FBXL6: variants seen among roughly 807,000 people sequenced by gnomAD.
FBXL6 encodes the protein F-box and leucine rich repeat protein 6.
In FBXL6, 50 loss-of-function variants were observed where a neutral mutation model predicts 53.3. The ratio of observed to expected loss-of-function variants is 0.94; its 90% CI spans 0.75 to 1.19. The LOEUF (loss-of-function observed/expected upper bound fraction) is 1.19, where lower values mean the gene tolerates loss of function less well. FBXL6 is among the 50% of genes most tolerant of loss of function. The pLI is 0.00. For missense variants in FBXL6, 815 were observed against 719.0 expected, an observed-to-expected ratio of 1.13 and a Z score of -1.53; for synonymous variants, 405 against 322.9, an observed-to-expected ratio of 1.25 and a Z score of -2.73.
chr8:144,358,280 C>T lies in FBXL6; in HGVS notation c.168G>A (p.Arg56=). 2 of 1,230,754 alleles carry T rather than the reference C, an allele frequency of 1.6e-6. No homozygotes were observed. Among genetic ancestry groups the T allele is most frequent in the Non-Finnish European group, 2.0e-6 (2 of 986,700 alleles). 76.2% of individuals were successfully genotyped at this position (1,230,754 alleles called of 1,614,324 possible). A position where few individuals can be genotyped will look rare whatever the true frequency, so the allele number is the denominator to read the frequency against. The change falls in exon 1 of 9, where the codon CGG becomes CGA. Residue 56 remains arginine (R), a synonymous_variant. Coordinates refer to ENST00000331890, the MANE Select transcript of FBXL6 (RefSeq NM_012162.4). ...LLVLSEPGPA[R]PRAQRRASRR... ...GGGAAGCGCGCCGCTGTGCGCGGGG[C>T]CGGGCGGGGCCGGGTTCGGACAGCA... is the stretch of plus-strand genomic sequence containing the variant.
rs782076645 is a variant in FBXL6, at chr8:144,357,067, C to T, written c.694G>A (p.Gly232Ser). 8 of 1,612,804 alleles carry T rather than the reference C, an allele frequency of 5.0e-6. No individual in the cohort carries two copies. The African/African-American group carries it at 5.3e-5, about 11-fold the overall frequency. ...LTFLKLSGCH[G>S]VTADALVMLA... is the part of the protein sequence containing the mutation. ...ATGACCAGAGCGTCAGCAGTCACAC[C>T]GTGGCAGCCGGAGAGCTTGAGGAAA... Residue 232 changes from glycine to serine, a missense_variant, in exon 4 of 9, where the codon GGT becomes AGT. Transcript: ENST00000331890.
Position 144,357,642 on chromosome 8 carries a change from C to A in FBXL6, c.561G>T (p.Trp187Cys). The A allele has an allele frequency of 3.1e-6, 5 of 1,609,704 alleles. No homozygotes were observed. The highest frequency in any genetic ancestry group is 3.4e-6 in the Non-Finnish European group (4 of 1,177,854). Residue 187 changes from tryptophan (W) to cysteine (C), a missense_variant, in exon 2 of 9, where the codon TGG becomes TGT. Transcript: ENST00000331890. Reference sequence around the variant, plus strand: ...GAACCCCTCACCGATTGGGCATAAGCCACTCCAGGGAAGCAAGGAGCTTCT... The same window carrying A: ...GAACCCCTCACCGATTGGGCATAAGACACTCCAGGGAAGCAAGGAGCTTCT... The part of the protein sequence containing the change: ...AEKKLLASLE[W>C]LMPNRFSQLQ...
intron 8 of FBXL6, 116 bp downstream of exon 8, chr8:144,355,852 A>G (rs1266694663): frequency 1.3e-6 from 2 of 1,541,656 alleles, no homozygotes; most frequent in Non-Finnish European, 1.8e-6. Flanking sequence ...CTTGGACAGT[A>G]TGCATGCCCC....
At position 144,356,710 on chromosome 8, in the gene FBXL6, T is replaced by C. The variant is rs781999908; in HGVS notation, c.883A>G (p.Ser295Gly). ...TTAILGALLG[S>G]CCPQLQVLEV... ...AGGACCTGGAGCTGGGGGCAGCAGC[T>C]GCCCTGCAGAGATGGGGGGAGGGGG... The change falls in exon 6 of 9, where the codon AGC becomes GGC. Residue 295 changes from serine to glycine, a missense_variant. Coordinates refer to ENST00000331890, the MANE Select transcript of FBXL6 (RefSeq NM_012162.4). The C allele has an allele frequency of 5.0e-6, 8 of 1,611,778 alleles. No homozygotes were observed. In the East Asian group the frequency reaches 1.3e-4, roughly 27 times the overall value.
Position 144,357,685 on chromosome 8 carries a change from C to T in FBXL6, c.518G>A (p.Gly173Asp). 3.7e-6 allele frequency: 6 copies of T among 1,610,976 alleles called. No individual in the cohort carries two copies. The highest frequency in any genetic ancestry group is 5.1e-6 in the Non-Finnish European group (6 of 1,178,890). ...SSPLVGRPAK[G>D]GVKAEKKLLA... Reference sequence around the variant, plus strand: ...GAGCTTCTTCTCCGCCTTGACCCCGCCCTTGGCAGGCCGGCCGACCAGCGG... The same window carrying T: ...GAGCTTCTTCTCCGCCTTGACCCCGTCCTTGGCAGGCCGGCCGACCAGCGG... The change falls in exon 2 of 9, where the codon GGC becomes GAC. Residue 173 changes from glycine to aspartate, a missense_variant. Coordinates refer to ENST00000331890, the MANE Select transcript of FBXL6 (RefSeq NM_012162.4).
Position 144,356,925 on chromosome 8 carries a change from C to T in FBXL6, c.772-10G>A, listed in dbSNP as rs375647211. On this transcript the variant is annotated splice_polypyrimidine_tract_variant and intron_variant, in intron 4 of 8. Transcript: ENST00000331890. ...CAGCTGTGGACTCCACCTGGGGCCCCAATACAAGAGCACCCGTCACCCCGG... is the reference window on the plus strand; with the variant it reads ...CAGCTGTGGACTCCACCTGGGGCCCTAATACAAGAGCACCCGTCACCCCGG... 6.2e-7 allele frequency: 1 copy of T among 1,613,122 alleles called. No individual in the cohort carries two copies. Among genetic ancestry groups the T allele is most frequent in the Non-Finnish European group, 8.5e-7 (1 of 1,180,012 alleles).
In FBXL6 at chr8:144,355,926, A is replaced by T. The variant is rs1554852640; in HGVS notation, c.1472+42T>A. The T allele has an allele frequency of 8.1e-6, 13 of 1,605,362 alleles. No individual in the cohort carries two copies. The East Asian group carries it at 1.3e-4, about 17-fold the overall frequency. ...TTCCAGGCCCCAGGCAGACACAGTG[A>T]CAGCCACACTGGCTCCAGGGACTGG... On this transcript the variant is annotated intron_variant, in intron 8 of 8. Coordinates refer to ENST00000331890, the MANE Select transcript of FBXL6 (RefSeq NM_012162.4).
intron 8 of FBXL6, 137 bp downstream of exon 8, chr8:144,355,831 C>G: frequency 6.6e-7 from 1 of 1,524,772 alleles, no homozygotes; most frequent in Non-Finnish European, 8.9e-7. Context: ...CAGGCCCACC[C>G]CACGCAGGGG....
At position 144,356,731 on chromosome 8, in the gene FBXL6, G is replaced by A. The variant is rs537010969; in HGVS notation, c.880-18C>T. The A allele has an allele frequency of 1.9e-6, 3 of 1,610,930 alleles. No homozygotes were observed. The highest frequency in any genetic ancestry group is 2.5e-6 in the Non-Finnish European group (3 of 1,178,802). ...CAGCTGCCCTGCAGAGATGGGGGGA[G>A]GGGGTAGGTCACAGGGTCAGTGGCC... On this transcript the variant is annotated intron_variant, in intron 5 of 8. Coordinates refer to ENST00000331890, the MANE Select transcript of FBXL6 (RefSeq NM_012162.4).
Position 144,357,670 on chromosome 8 carries a change from T to G in FBXL6, c.533A>C (p.Glu178Ala). ...CTCCAGGGAAGCAAGGAGCTTCTTC[T>G]CCGCCTTGACCCCGCCCTTGGCAGG... is the stretch of plus-strand genomic sequence containing the variant. ...GRPAKGGVKA[E>A]KKLLASLEWL... is the part of the protein sequence containing the mutation. The change falls in exon 2 of 9, where the codon GAG becomes GCG. Residue 178 changes from glutamate (E) to alanine (A), a missense_variant. Glu to Ala is a moderately radical substitution (Grantham distance 107). Transcript: ENST00000331890. 6.2e-7 allele frequency: 1 copy of G among 1,610,876 alleles called. No homozygotes were observed. Among genetic ancestry groups the G allele is most frequent in the Non-Finnish European group, 8.5e-7 (1 of 1,178,738 alleles).
At chr8:144,357,205 C>T (rs1818494626) in intron 3 of FBXL6, 84 bp from the exon 4 acceptor site, 11 of 1,555,998 alleles carry the variant, frequency 7.1e-6, no homozygotes, top group Admixed American at 1.8e-5. Flanking sequence ...CTGGTGCCAA[C>T]CCCACTCTAC....
rs559702374 is a variant in FBXL6, at chr8:144,357,665, T to G, written c.538A>C (p.Lys180Gln). 80 of 1,610,794 alleles carry G rather than the reference T, an allele frequency of 5.0e-5. 2 individuals carry two copies. The South Asian group carries it at 6.3e-4, about 13-fold the overall frequency. Reference protein sequence around the residue: ...PAKGGVKAEKKLLASLEWLMP... With the variant: ...PAKGGVKAEKQLLASLEWLMP... ...AGCCACTCCAGGGAAGCAAGGAGCTTCTTCTCCGCCTTGACCCCGCCCTTG... is the reference window on the plus strand; with the variant it reads ...AGCCACTCCAGGGAAGCAAGGAGCTGCTTCTCCGCCTTGACCCCGCCCTTG... The change falls in exon 2 of 9, where the codon AAG becomes CAG. Residue 180 changes from lysine to glutamine, a missense_variant. Physicochemically the swap from Lys to Gln is moderately conservative, Grantham distance 53. Coordinates refer to ENST00000331890, the MANE Select transcript of FBXL6 (RefSeq NM_012162.4).
intron 1 of FBXL6, 41 bp from the exon 2 acceptor site, chr8:144,357,827 G>T (rs1278742484): frequency 2.0e-6 from 3 of 1,466,232 alleles, no homozygotes; most frequent in South Asian, 1.4e-5. Context: ...CCCTCCGTAG[G>T]CGATGCCCCC....
chr8:144,358,331 C>T lies in FBXL6; in HGVS notation c.117G>A (p.Leu39=), dbSNP rs782640194. 3 of 1,267,402 alleles carry T rather than the reference C, an allele frequency of 2.4e-6. No individual in the cohort carries two copies. The highest frequency in any genetic ancestry group is 3.0e-5 in the African/African-American group (2 of 65,752). 78.5% of individuals were successfully genotyped at this position (1,267,402 alleles called of 1,614,324 possible). Residue 39 remains leucine (L), a synonymous_variant, in exon 1 of 9, where the codon CTG becomes CTA. Transcript: ENST00000331890. ...CCAGCAGCATGCTGTCGGACTGCAG[C>T]AGGTGGTACCCCGAGCCCCTCGGCG... is the stretch of plus-strand genomic sequence containing the variant. The part of the protein sequence containing the change: ...RLAPRGSGYH[L]LQSDSMLLVL...
intron 3 of FBXL6, 51 bp downstream of exon 3, chr8:144,357,388 A>G: frequency 1.3e-6 from 2 of 1,569,922 alleles, no homozygotes; most frequent in Non-Finnish European, 1.7e-6. Flanking sequence ...TAGAGTACTG[A>G]ACAGTCCCAG....
intron 3 of FBXL6, 76 bp from the exon 4 acceptor site, chr8:144,357,197 G>A: frequency 6.3e-7 from 1 of 1,582,442 alleles, no homozygotes; most frequent in South Asian, 1.1e-5. Flanking sequence ...ACAAGTGGCT[G>A]GTGCCAACCC....
At chr8:144,357,240 G>A (rs1486550224) in intron 3 of FBXL6, 119 bp from the exon 4 acceptor site, 14 of 1,415,048 alleles carry the variant, frequency 9.9e-6, no homozygotes, top group African/African-American at 2.8e-5. Context: ...CCTCCTTTCT[G>A]CCCATGCCAG....
rs549422209 is a variant in FBXL6 at position 144,355,449 on chromosome 8, T to G, written c.*82A>C. On this transcript the variant is annotated 3_prime_UTR_variant, in exon 9 of 9. Transcript: ENST00000331890. The stretch of plus-strand genomic sequence containing the variant: ...ACAGAACTCCTAAAAATGTTTTATT[T>G]TAACAAAATGCTCAAATATCTGAAA... 27 of 1,565,008 alleles carry G rather than the reference T, an allele frequency of 1.7e-5. No homozygotes were observed. The African/African-American group carries it at 3.0e-4, about 17-fold the overall frequency.
Position 144,357,089 on chromosome 8 carries a change from G to A in FBXL6, c.672C>T (p.Phe224=), listed in dbSNP as rs782209909. Residue 224 remains phenylalanine, a synonymous_variant, in exon 4 of 9, where the codon TTC becomes TTT. Transcript: ENST00000331890. ...LVGECCPRLT[F]LKLSGCHGVT... is the part of the protein sequence containing the mutation. ...CACCGTGGCAGCCGGAGAGCTTGAG[G>A]AAAGTGAGCCGAGGACAGCACTCAC... 30 of 1,612,854 alleles carry A rather than the reference G, an allele frequency of 1.9e-5. 1 individual carries two copies. In the Admixed American group the frequency reaches 3.7e-4, roughly 20 times the overall value.
Sources: allele counts gnomAD v4.1 joint callset, GRCh38; gene constraint gnomAD v4.1.1; transcripts MANE v1.5; gene names NCBI Gene and HGNC (gene_info 2026-07-23, HGNC 2026-07-21).